Variants in NSF observed in about 807,000 individuals in gnomAD.
NSF encodes the protein N-ethylmaleimide sensitive factor, vesicle fusing ATPase.
Under a neutral mutation model 50.3 loss-of-function variants are expected in NSF, and 14 were observed. The ratio of observed to expected loss-of-function variants is 0.28; its 90% CI spans 0.18 to 0.44. The LOEUF (loss-of-function observed/expected upper bound fraction) is 0.44. NSF is among the 20% of genes least tolerant of loss of function. NSF has a pLI of 1.00. For synonymous variants in NSF, 109 were observed against 175.7 expected, an observed-to-expected ratio of 0.62 and a Z score of 3.00; for missense variants, 218 against 504.3, an observed-to-expected ratio of 0.43 and a Z score of 5.44.
At chr17:46,691,802 G>C (rs2058549481) in intron 9 of NSF, among the ~76,000 whole-genome samples, 1 of 151,346 alleles carries the variant, frequency 6.6e-6, no homozygotes, top group Non-Finnish European at 1.5e-5. Context: ...GCCCAGGCTG[G>C]AGTGCAGTGG....
chr17:46,714,964 T>G (rs2058753967), intron 15 of NSF, among the ~76,000 whole-genome samples: 1 of 152,226 alleles, frequency 6.6e-6, no homozygotes, highest in South Asian at 2.1e-4. Context: ...TATTGTAGAA[T>G]TCTTCGGTGT....
At chr17:46,679,687 C>A in intron 9 of NSF, among the ~76,000 whole-genome samples, 1 of 134,514 alleles carries the variant, frequency 7.4e-6, no homozygotes, top group Non-Finnish European at 1.6e-5. Flanking sequence ...AGTGAAACTC[C>A]ATGTCAAAAA....
intron 1 of NSF, among the ~76,000 whole-genome samples, chr17:46,610,041 C>CTCTCTCTCTCTT (rs545055767): frequency 1.7e-5 from 2 of 118,656 alleles, no homozygotes; most frequent in Non-Finnish European, 3.7e-5. Context: ...CTCTCTCTCT[C>CTCTCTCTCTCTT]TCTTTCTTTC....
At chr17:46,714,352 G>A (rs562851941) in intron 15 of NSF, among the ~76,000 whole-genome samples, 1 of 152,214 alleles carries the variant, frequency 6.6e-6, no homozygotes, top group Admixed American at 6.5e-5. Context: ...TGAACTCTTT[G>A]GGGTCAATTA....
At chr17:46,720,514 CT>C (rs1857025302) in intron 15 of NSF, among the ~76,000 whole-genome samples, 1 of 152,198 alleles carries the variant, frequency 6.6e-6, no homozygotes, top group Admixed American at 6.5e-5. Flanking sequence ...TTTAGGTCCA[CT>C]TCCTGAGGCA....
Position 46,724,773 on chromosome 17 carries a change from T to A in NSF, c.1762-1776T>A, listed in dbSNP as rs570125442. On this transcript the variant is annotated intron_variant, in intron 15 of 20. Coordinates refer to ENST00000398238, the MANE Select transcript of NSF (RefSeq NM_006178.4). ...ATAATAAGAATTCAAAAATATTTGT[T>A]GAGTGAGTGAATGAATAAGGCAGCA... Among the ~76,000 whole-genome samples, 4 of 152,288 alleles carry A rather than the reference T, an allele frequency of 2.6e-5. No homozygotes were observed. The South Asian group carries it at 8.3e-4, about 32-fold the overall frequency.
At chr17:46,718,450 G>A (rs940433657) in intron 15 of NSF, among the ~76,000 whole-genome samples, 23 of 152,032 alleles carry the variant, frequency 1.5e-4, no homozygotes, top group African/African-American at 2.9e-4. Context: ...TTATTTGATC[G>A]TTACATGTTT....
intron 17 of NSF, among the ~76,000 whole-genome samples, chr17:46,740,431 TAGAA>T (rs1296053409): frequency 6.6e-6 from 1 of 152,094 alleles, no homozygotes; most frequent in Non-Finnish European, 1.5e-5. Flanking sequence ...AAAATTAAAT[TAGAA>T]AGGAGAATAT....
intron 12 of NSF, among the ~76,000 whole-genome samples, chr17:46,696,417 A>G (rs199441): frequency 0.75 from 104,779 of 138,876 alleles, 43,066 homozygotes; most frequent in East Asian, 1. Flanking sequence ...GAGTGAACTC[A>G]TGTCAGATAT....
At chr17:46,740,153 G>A (rs2059055379) in intron 17 of NSF, among the ~76,000 whole-genome samples, 1 of 152,076 alleles carries the variant, frequency 6.6e-6, no homozygotes, top group Admixed American at 6.6e-5. Flanking sequence ...GCTTATTTCT[G>A]GTTCTTGGCT....
chr17:46,679,938 T>G (rs1598675197), intron 9 of NSF, among the ~76,000 whole-genome samples: 1 of 146,272 alleles, frequency 6.8e-6, no homozygotes, highest in Middle Eastern at 3.4e-3. Context: ...GTGCCTAGGA[T>G]TCGATCTAGC....
chr17:46,608,924 T>G (rs1331505327), intron 1 of NSF, among the ~76,000 whole-genome samples: 2 of 151,840 alleles, frequency 1.3e-5, no homozygotes, highest in African/African-American at 4.9e-5. Context: ...GTGATGAGGA[T>G]GTGCAGCAGC....
chr17:46,720,140 A>G (rs1157917290), intron 15 of NSF, among the ~76,000 whole-genome samples: 1 of 152,232 alleles, frequency 6.6e-6, no homozygotes, highest in Admixed American at 6.5e-5. Flanking sequence ...TTACTAAGCA[A>G]CAGAATTTGG....
intron 13 of NSF, among the ~76,000 whole-genome samples, chr17:46,707,993 A>T (rs1406726469): frequency 6.6e-6 from 1 of 150,802 alleles, no homozygotes; most frequent in East Asian, 2.0e-4. Flanking sequence ...AGATTGTGCC[A>T]CTGCACGCCA....
intron 15 of NSF, chr17:46,722,197 T>A (rs879104534): frequency 1.9e-6 from 3 of 1,592,720 alleles, no homozygotes; most frequent in Non-Finnish European, 2.6e-6. Context: ...TTGCAGCGCC[T>A]GCTTAGGAAG....
chr17:46,602,681 T>C (rs550200444), intron 1 of NSF, among the ~76,000 whole-genome samples: 2 of 139,650 alleles, frequency 1.4e-5, no homozygotes, highest in East Asian at 4.1e-4. Context: ...TGACAAGCAA[T>C]GAAACTACCA....
intron 17 of NSF, among the ~76,000 whole-genome samples, chr17:46,737,519 G>T (rs547113073): frequency 6.6e-6 from 1 of 151,920 alleles, no homozygotes; most frequent in Non-Finnish European, 1.5e-5. Context: ...AAGGGTGGCT[G>T]CACTCACCCA....
intron 17 of NSF, among the ~76,000 whole-genome samples, chr17:46,732,347 C>G (rs1356825367): frequency 6.6e-6 from 1 of 150,380 alleles, no homozygotes; most frequent in Non-Finnish European, 1.5e-5. Context: ...TCTCCTTCCA[C>G]CCCTCCCCCA....
chr17:46,745,112 A>G (rs1338389746), intron 17 of NSF, among the ~76,000 whole-genome samples: 1 of 152,108 alleles, frequency 6.6e-6, no homozygotes, highest in African/African-American at 2.4e-5. Flanking sequence ...GCCACACATT[A>G]GGAAGGTGGA....
Sources: gnomAD v4.1 joint callset for allele counts (sites outside exome capture counted in the v4.1 genomes callset) on GRCh38, gnomAD v4.1.1 for gene constraint, MANE v1.5 for transcripts, NCBI Gene and HGNC (gene_info 2026-07-23, HGNC 2026-07-21) for gene names.